The following TENM2 variants were observed in gnomAD, a reference collection of about 807,000 sequenced individuals.
TENM2 encodes teneurin-2.
A neutral mutation model predicts 245.2 loss-of-function variants in TENM2; 52 were observed. The ratio of observed to expected loss-of-function variants is 0.21; its 90% CI spans 0.17 to 0.27. The LOEUF is 0.27. Ranked by LOEUF, TENM2 falls within the 10% of genes least tolerant of loss-of-function variation. TENM2 has a pLI of 1.00. For missense variants in TENM2, 3,046 were observed against 3,666.8 expected (o/e 0.83, Z 4.37); for synonymous variants, 1,363 against 1,438.9 (o/e 0.95, Z 1.19).
chr5:167,562,212 A>G (rs1221889216), intron 2 of TENM2, among the ~76,000 whole-genome samples: 3 of 152,092 alleles, frequency 2.0e-5, no homozygotes, highest in Non-Finnish European at 2.9e-5. Context: ...CTTTTTGGCA[A>G]TTTTCGTTTT....
At chr5:167,762,221 G>A (rs1384194130) in intron 2 of TENM2, among the ~76,000 whole-genome samples, 1 of 152,160 alleles carries the variant, frequency 6.6e-6, no homozygotes, top group African/African-American at 2.4e-5. Context: ...CTACAAGTGA[G>A]CTAAGAATAT....
chr5:168,054,145 CAA>C (rs997796203), intron 6 of TENM2, among the ~76,000 whole-genome samples: 1 of 152,178 alleles, frequency 6.6e-6, no homozygotes, highest in African/African-American at 2.4e-5. Flanking sequence ...ATTGAAATTT[CAA>C]AAGATGTAAA....
the TENM2 span, among the ~76,000 whole-genome samples, chr5:167,148,136 G>A: frequency 6.6e-6 from 1 of 152,176 alleles, no homozygotes; most frequent in East Asian, 1.9e-4. Context: ...TGGGCACTGA[G>A]ATAATTTGGC....
intron 3 of TENM2, among the ~76,000 whole-genome samples, chr5:167,880,238 G>A (rs1773767859): frequency 6.6e-6 from 1 of 151,930 alleles, no homozygotes; most frequent in Admixed American, 6.6e-5. Context: ...TCACCATGTT[G>A]GCCAGGCTGG....
chr5:167,646,509 G>C (rs916073866), intron 2 of TENM2, among the ~76,000 whole-genome samples: 1 of 151,672 alleles, frequency 6.6e-6, no homozygotes, highest in African/African-American at 2.4e-5. Context: ...AAACCAAGCT[G>C]AACCTCGGAA....
At chr5:168,042,278 C>G (rs545881531) in intron 5 of TENM2, among the ~76,000 whole-genome samples, 1 of 152,120 alleles carries the variant, frequency 6.6e-6, no homozygotes, top group African/African-American at 2.4e-5. Context: ...ATCTCCTCCT[C>G]GCGTTATGTA....
At chr5:167,370,119 G>T (rs1380453808) in intron 1 of TENM2, among the ~76,000 whole-genome samples, 2 of 152,120 alleles carry the variant, frequency 1.3e-5, no homozygotes, top group Non-Finnish European at 2.9e-5. Context: ...GAGGTGGGCA[G>T]ATCACGAGGT....
chr5:168,016,823 T>G (rs1785698988), intron 5 of TENM2, among the ~76,000 whole-genome samples: 1 of 152,210 alleles, frequency 6.6e-6, no homozygotes, highest in Admixed American at 6.5e-5. Context: ...AGTTTTGTCA[T>G]CTATAAAATG....
the TENM2 span, among the ~76,000 whole-genome samples, chr5:167,057,603 A>C: frequency 6.6e-6 from 1 of 152,106 alleles, no homozygotes; most frequent in Admixed American, 6.6e-5. Context: ...AAGGGGCTAA[A>C]GTTGGTATTT....
chr5:168,082,753 G>A (rs1333726165), intron 7 of TENM2, among the ~76,000 whole-genome samples: 2 of 152,180 alleles, frequency 1.3e-5, no homozygotes, highest in Non-Finnish European at 2.9e-5. Flanking sequence ...CACCAGCGGA[G>A]GCTGCAGAAC....
intron 2 of TENM2, among the ~76,000 whole-genome samples, chr5:167,436,086 C>T (rs1561953697): frequency 6.9e-6 from 1 of 144,660 alleles, no homozygotes; most frequent in African/African-American, 2.6e-5. Flanking sequence ...TCAAGCGATT[C>T]TCCTGCCTCA....
chr5:167,474,348 A>G (rs1490847588), intron 2 of TENM2, among the ~76,000 whole-genome samples: 3 of 151,972 alleles, frequency 2.0e-5, no homozygotes. Flanking sequence ...TTTCATCTTC[A>G]CCTCAGTCTG....
chr5:168,210,034 A>G (rs1485056133), intron 19 of TENM2, among the ~76,000 whole-genome samples: 1 of 152,112 alleles, frequency 6.6e-6, no homozygotes, highest in Non-Finnish European at 1.5e-5. Context: ...TTTTTCCTCA[A>G]AGGGCTCACC....
exon 29 of TENM2, chr5:168,262,243 C>T: frequency 1.2e-6 from 2 of 1,604,596 alleles, no homozygotes; most frequent in Non-Finnish European, 1.7e-6. Flanking sequence ...CGGGCGTGTC[C>T]AGCATCGCCA....
intron 2 of TENM2, among the ~76,000 whole-genome samples, chr5:167,447,635 A>T (rs7707198): frequency 0.4 from 61,311 of 151,982 alleles, 13,705 homozygotes; most frequent in East Asian, 0.64. Flanking sequence ...ACCTGACCCC[A>T]TTCATACCAC....
intron 3 of TENM2, among the ~76,000 whole-genome samples, chr5:167,879,273 C>T (rs919363570): frequency 6.6e-6 from 1 of 152,138 alleles, no homozygotes; most frequent in Admixed American, 6.5e-5. Flanking sequence ...TCAAATTGCT[C>T]TAACCCTCAA....
chr5:168,068,331 T>A (rs1018165310), intron 7 of TENM2, among the ~76,000 whole-genome samples: 1 of 152,104 alleles, frequency 6.6e-6, no homozygotes, highest in Non-Finnish European at 1.5e-5. Context: ...CCAAATCACA[T>A]ATTTAGACAG....
chr5:166,979,210 CAGCA>C, the TENM2 span, among the ~76,000 whole-genome samples: 1 of 147,140 alleles, frequency 6.8e-6, no homozygotes, highest in Non-Finnish European at 1.5e-5. Flanking sequence ...GCAGCAGCAG[CAGCA>C]GCAGCAGCAG....
Position 168,203,605 on chromosome 5 carries a change from T to C in TENM2, c.3431-84T>C, listed in dbSNP as rs1037393403. The C allele has an allele frequency of 3.4e-5, 46 of 1,369,440 alleles. No homozygotes were observed. In the East Asian group the frequency reaches 7.3e-4, roughly 22 times the overall value. 84.8% of individuals were successfully genotyped at this position (1,369,440 alleles called of 1,614,324 possible). Reference sequence around the variant, plus strand: ...AATCTGTATTACTGCGAACACGTGCTTCTCATTCTTGCTACAGAGCTCTGG... The same window carrying C: ...AATCTGTATTACTGCGAACACGTGCCTCTCATTCTTGCTACAGAGCTCTGG... On this transcript the variant is annotated intron_variant, in intron 17 of 28. Transcript: ENST00000518659.
Sources: gnomAD v4.1 joint callset for allele counts (sites outside exome capture counted in the v4.1 genomes callset) on GRCh38, gnomAD v4.1.1 for gene constraint, MANE v1.5 for transcripts, NCBI Gene and HGNC (gene_info 2026-07-23, HGNC 2026-07-21) for gene names.